The following WFDC1 variants were observed in gnomAD, a reference collection of about 807,000 sequenced individuals.
WFDC1 encodes the protein WAP four-disulfide core domain 1, also known as WAP four-disulfide core domain protein 1.
Under a neutral mutation model 32.9 loss-of-function variants are expected in WFDC1, and 39 were observed. The ratio of observed to expected loss-of-function variants is 1.19; its 90% confidence interval spans 0.92 to 1.55. WFDC1 has a LOEUF of 1.55. Among genes scored for constraint, WFDC1 ranks in the 40% most tolerant of loss-of-function variants. WFDC1 has a pLI of 0.00. For missense variants in WFDC1, 386 were observed against 309.5 expected, an observed-to-expected ratio of 1.25 and a Z score of -1.85; for synonymous variants, 184 against 137.4, an observed-to-expected ratio of 1.34 and a Z score of -2.37.
intron 1 of WFDC1, among the ~76,000 whole-genome samples, chr16:84,296,363 C>G (rs1045880349): frequency 1.3e-5 from 2 of 152,208 alleles, no homozygotes; most frequent in African/African-American, 4.8e-5. Flanking sequence ...CCCCTGGTGC[C>G]TGCCATTAAG....
At chr16:84,313,679 C>G (rs958103155) in intron 2 of WFDC1, among the ~76,000 whole-genome samples, 4 of 152,208 alleles carry the variant, frequency 2.6e-5, no homozygotes, top group Non-Finnish European at 4.4e-5. Flanking sequence ...CTTCTCATGC[C>G]TGGCCCTGGG....
intron 1 of WFDC1, among the ~76,000 whole-genome samples, chr16:84,311,372 C>G (rs1165603584): frequency 6.9e-6 from 1 of 143,942 alleles, no homozygotes; most frequent in African/African-American, 2.6e-5. Context: ...TGCTCGCCAC[C>G]ACGCCCGGCT....
chr16:84,318,500 AC>A, intron 3 of WFDC1, 145 bp downstream of exon 3: 1 of 742,186 alleles, frequency 1.3e-6, no homozygotes. Flanking sequence ...GATCCTCCCC[AC>A]CCCAGCGAAG....
At chr16:84,296,150 G>A (rs1013318695) in intron 1 of WFDC1, among the ~76,000 whole-genome samples, 2 of 152,138 alleles carry the variant, frequency 1.3e-5, no homozygotes, top group Non-Finnish European at 2.9e-5. Context: ...GCACACAGAG[G>A]GCTCAAGAAG....
intron 3 of WFDC1, 99 bp downstream of exon 3, chr16:84,318,454 T>C: frequency 8.8e-7 from 1 of 1,139,422 alleles, no homozygotes. Context: ...CTGTCCCCCA[T>C]GCACGGGCCC....
rs1908788342 is a variant in WFDC1 at position 84,329,334 on chromosome 16, A to G, written c.*28A>G. Reference sequence around the variant, plus strand: ...GCTTGCTTTCCAGCTAGGTTGCAAGAACATTCCTCTACTTTCTGCTAAGCC... The same window carrying G: ...GCTTGCTTTCCAGCTAGGTTGCAAGGACATTCCTCTACTTTCTGCTAAGCC... On this transcript the variant is annotated 3_prime_UTR_variant, in exon 7 of 7. Coordinates refer to ENST00000219454, the MANE Select transcript of WFDC1 (RefSeq NM_021197.4). 1 of 149,526 alleles carries G rather than the reference A, an allele frequency of 6.7e-6. No homozygotes were observed. The highest frequency in any genetic ancestry group is 6.6e-5 in the Admixed American group (1 of 15,198). The allele number at this position is 149,526 out of a possible 1,614,324, so 9.3% of individuals were successfully genotyped here. A position where few individuals can be genotyped will look rare whatever the true frequency, so the allele number is the denominator to read the frequency against.
intron 5 of WFDC1, among the ~76,000 whole-genome samples, chr16:84,325,005 A>G (rs1226777171): frequency 6.6e-6 from 1 of 151,598 alleles, no homozygotes; most frequent in Non-Finnish European, 1.5e-5. Context: ...TCTTCCATCC[A>G]TCCACCCATT....
At position 84,318,359 on chromosome 16, in the gene WFDC1, C is replaced by A. The variant is rs1908087005; in HGVS notation, c.421+4C>A. 6.2e-7 allele frequency: 1 copy of A among 1,613,870 alleles called. No individual in the cohort carries two copies. The highest frequency in any genetic ancestry group is 8.5e-7 in the Non-Finnish European group (1 of 1,179,830). ...GGCCCTGAGGAGGTGTTACAAGGTA[C>A]CTGCCGGGTAAAGCCCAGACCCTAC... On this transcript the variant is annotated splice_donor_region_variant and intron_variant, in intron 3 of 6. Transcript: ENST00000219454.
intron 1 of WFDC1, among the ~76,000 whole-genome samples, chr16:84,300,645 G>T (rs1439407510): frequency 6.6e-6 from 1 of 152,208 alleles, no homozygotes; most frequent in Non-Finnish European, 1.5e-5. Flanking sequence ...GAGGTGGGTG[G>T]TTCCTTAATA....
At chr16:84,324,530 G>GA in intron 5 of WFDC1, 70 bp downstream of exon 5, 3 of 1,549,750 alleles carry the variant, frequency 1.9e-6, no homozygotes. Context: ...CTTATGTGAA[G>GA]AAAAAAATAA....
chr16:84,325,239 G>A (rs112583101), intron 5 of WFDC1, among the ~76,000 whole-genome samples: 60 of 140,810 alleles, frequency 4.3e-4, no homozygotes, highest in Middle Eastern at 8.8e-3. Flanking sequence ...GTCTCACTCT[G>A]TTGCCTAGGC....
intron 1 of WFDC1, among the ~76,000 whole-genome samples, chr16:84,304,671 C>T (rs1010983878): frequency 3.9e-5 from 6 of 152,340 alleles, no homozygotes; most frequent in Admixed American, 2.0e-4. Flanking sequence ...CTGGAAATCA[C>T]GGGTTGCTCT....
intron 6 of WFDC1, chr16:84,327,976 G>A (rs1244086690): frequency 1.3e-5 from 2 of 152,586 alleles, no homozygotes; most frequent in Non-Finnish European, 2.9e-5. Flanking sequence ...GTGTGGTGAA[G>A]AAGTGAACAG....
chr16:84,317,301 T>C, intron 2 of WFDC1: 2 of 18,206 alleles, frequency 1.1e-4, no homozygotes, highest in African/African-American at 2.1e-4. Flanking sequence ...TCAAAATAAA[T>C]AAATAAATAA....
intron 1 of WFDC1, among the ~76,000 whole-genome samples, chr16:84,309,145 G>A (rs1417860105): frequency 6.6e-6 from 1 of 152,216 alleles, no homozygotes; most frequent in Admixed American, 6.5e-5. Context: ...GGAGGAAACG[G>A]TTTGAAGAGA....
At chr16:84,298,072 C>T (rs143554870) in intron 1 of WFDC1, among the ~76,000 whole-genome samples, 2 of 152,094 alleles carry the variant, frequency 1.3e-5, no homozygotes, top group African/African-American at 2.4e-5. Flanking sequence ...TTCCACACAG[C>T]CATGATCACA....
chr16:84,326,770 G>A (rs1184152496), intron 5 of WFDC1, 112 bp from the exon 6 acceptor site: 5 of 1,265,172 alleles, frequency 4.0e-6, no homozygotes, highest in South Asian at 1.3e-5. Context: ...GCTGGGGGAG[G>A]GAGGAGAGGG....
intron 1 of WFDC1, among the ~76,000 whole-genome samples, chr16:84,303,822 C>A (rs1293287378): frequency 6.6e-6 from 1 of 152,202 alleles, no homozygotes; most frequent in Non-Finnish European, 1.5e-5. Context: ...AGCCGTCAGT[C>A]CTCCTTCCCT....
At chr16:84,319,624 C>T in intron 4 of WFDC1, 53 bp downstream of exon 4, 19 of 1,589,482 alleles carry the variant, frequency 1.2e-5, no homozygotes, top group Non-Finnish European at 1.5e-5. Context: ...TCCCCTTCTC[C>T]CTGTAAGCGC....
Sources: gnomAD v4.1 joint callset for allele counts (sites outside exome capture counted in the v4.1 genomes callset) on GRCh38, gnomAD v4.1.1 for gene constraint, MANE v1.5 for transcripts, NCBI Gene and HGNC (gene_info 2026-07-23, HGNC 2026-07-21) for gene names.